PARP16: variants seen among roughly 807,000 people sequenced by gnomAD.
PARP16 encodes the protein protein mono-ADP-ribosyltransferase PARP16.
A neutral mutation model predicts 35.0 loss-of-function variants in PARP16; 31 were observed. That is an observed-to-expected ratio of 0.88 (90% CI 0.66 to 1.19). The LOEUF (loss-of-function observed/expected upper bound fraction) is 1.19. Ranked by LOEUF, PARP16 falls within the 50% of genes most tolerant of loss-of-function variation. The pLI, the probability that PARP16 is intolerant of heterozygous loss-of-function variation, is 0.00. For missense variants in PARP16, 424 were observed against 411.2 expected (o/e 1.03, Z -0.27); for synonymous variants, 162 against 169.5 (o/e 0.96, Z 0.34).
chr15:65,233,310 G>A (rs982887252), downstream of PARP16, among the ~76,000 whole-genome samples: 1 of 152,082 alleles, frequency 6.6e-6, no homozygotes, highest in Non-Finnish European at 1.5e-5. Context: ...GCTGAGGCAG[G>A]AGAATGGTGT....
intron 3 of PARP16, among the ~76,000 whole-genome samples, chr15:65,240,813 T>C (rs2089053661): frequency 6.6e-6 from 1 of 152,136 alleles, no homozygotes; most frequent in Non-Finnish European, 1.5e-5. Context: ...GTTTAACTTT[T>C]TGAGAAATTG....
intron 4 of PARP16, 96 bp downstream of exon 4, chr15:65,263,053 G>C: frequency 8.7e-7 from 1 of 1,148,754 alleles, no homozygotes; most frequent in Non-Finnish European, 1.3e-6. Flanking sequence ...CAACCCTTGG[G>C]CATGCAATGG....
At chr15:65,253,581 C>A (rs1031170447), downstream of PARP16, among the ~76,000 whole-genome samples, 1 of 152,082 alleles carries the variant, frequency 6.6e-6, no homozygotes, top group African/African-American at 2.4e-5. Context: ...CCGCCCGCCT[C>A]GGCCTCCCAA....
intron 4 of PARP16, among the ~76,000 whole-genome samples, chr15:65,262,334 G>A (rs569696386): frequency 6.6e-5 from 10 of 152,148 alleles, no homozygotes; most frequent in African/African-American, 2.4e-4. Flanking sequence ...GTTTCACCAC[G>A]TTGGCCAGGT....
chr15:65,235,478 A>G (rs1380810080), intron 3 of PARP16, among the ~76,000 whole-genome samples: 1 of 152,130 alleles, frequency 6.6e-6, no homozygotes, highest in Non-Finnish European at 1.5e-5. Flanking sequence ...AGGAAGGTCA[A>G]TTAGATTCTA....
chr15:65,277,054 C>A (rs1169359279), intron 1 of PARP16, among the ~76,000 whole-genome samples: 1 of 151,796 alleles, frequency 6.6e-6, no homozygotes, highest in Non-Finnish European at 1.5e-5. Flanking sequence ...TTTTTATTTG[C>A]TAAATCTAAT....
rs368263346 is a variant in PARP16, at chr15:65,273,212, A to G, written c.175-2140T>C. 4.8e-4 allele frequency among the ~76,000 whole-genome samples: 67 copies of G among 140,648 alleles called. No individual in the cohort carries two copies. In the East Asian group the frequency reaches 0.016, roughly 34 times the overall value. The allele number at this position is 140,648 out of a possible 152,430, so 92.3% of individuals were successfully genotyped here. ...AGAATCACTTGAACCCAGGAGGCGG[A>G]GGTTGCAGTGAGCCAAGATGGCGCC... On this transcript the variant is annotated intron_variant, in intron 1 of 5. Transcript: ENST00000649807.
chr15:65,232,181 T>C (rs1490075943), downstream of PARP16, among the ~76,000 whole-genome samples: 1 of 152,128 alleles, frequency 6.6e-6, no homozygotes, highest in African/African-American at 2.4e-5. Flanking sequence ...AATAGGGAAA[T>C]TAAGATAGGC....
intron 2 of PARP16, among the ~76,000 whole-genome samples, chr15:65,251,850 C>T (rs1875682827): frequency 6.6e-6 from 1 of 151,954 alleles, no homozygotes; most frequent in Non-Finnish European, 1.5e-5. Context: ...CTGCAAGCTC[C>T]ACCTCCCGGA....
At chr15:65,261,089 A>C (rs2089696759) in intron 4 of PARP16, 63 bp from the exon 5 acceptor site, 3 of 1,531,056 alleles carry the variant, frequency 2.0e-6, no homozygotes, top group African/African-American at 2.7e-5. Context: ...GCACATTATA[A>C]ATAGAAATAA....
intron 1 of PARP16, among the ~76,000 whole-genome samples, chr15:65,281,317 A>G (rs1363868698): frequency 6.6e-6 from 1 of 152,194 alleles, no homozygotes; most frequent in Non-Finnish European, 1.5e-5. Context: ...TATTCAGCAC[A>G]CGCACAATGT....
chr15:65,254,402 T>C (rs2089445623), downstream of PARP16, among the ~76,000 whole-genome samples: 1 of 152,120 alleles, frequency 6.6e-6, no homozygotes, highest in East Asian at 1.9e-4. Context: ...CAGATCAGGC[T>C]AGAGGCAGCC....
chr15:65,247,597 C>G (rs1259989871), intron 3 of PARP16, among the ~76,000 whole-genome samples: 1 of 152,120 alleles, frequency 6.6e-6, no homozygotes, highest in Non-Finnish European at 1.5e-5. Context: ...CTAAGCTGAG[C>G]ACAGGACTAG....
chr15:65,259,465 A>G lies in PARP16; in HGVS notation c.911T>C (p.Ile304Thr). The change falls in exon 6 of 6, where the codon ATA becomes ACA. Residue 304 changes from isoleucine to threonine, a missense_variant. Physicochemically the swap from Ile to Thr is moderately conservative, Grantham distance 89. Transcript: ENST00000649807. ...MISLYLLLLLIVSVINSSAFQ... is the reference protein window; with the variant it reads ...MISLYLLLLLTVSVINSSAFQ... The stretch of plus-strand genomic sequence containing the variant: ...AGCAGAGGAGTTGATGACACTCACT[A>G]TGAGCAGCAGCAGCAGATACAGGGA... 1 of 1,613,952 alleles carries G rather than the reference A, an allele frequency of 6.2e-7. No homozygotes were observed. Among genetic ancestry groups the G allele is most frequent in the Non-Finnish European group, 8.5e-7 (1 of 1,179,776 alleles).
downstream of PARP16, among the ~76,000 whole-genome samples, chr15:65,257,522 A>C (rs4635291): frequency 6.6e-6 from 1 of 150,724 alleles, no homozygotes; most frequent in African/African-American, 2.4e-5. Context: ...TCCCAGCTAC[A>C]GGGAGGCTAA....
chr15:65,263,371 T>C (rs1352413671), intron 3 of PARP16, 51 bp from the exon 4 acceptor site: 6 of 1,470,428 alleles, frequency 4.1e-6, no homozygotes, highest in South Asian at 1.3e-5. Flanking sequence ...GAATGTACAG[T>C]TGGCACGGCA....
At chr15:65,260,644 G>A (rs746970177) in intron 5 of PARP16, among the ~76,000 whole-genome samples, 47 of 152,192 alleles carry the variant, frequency 3.1e-4, no homozygotes, top group Non-Finnish European at 6.2e-4. Context: ...GACTCAGTCA[G>A]TCTCTCATGC....
At chr15:65,246,177 G>T (rs2089205084) in intron 3 of PARP16, among the ~76,000 whole-genome samples, 1 of 152,216 alleles carries the variant, frequency 6.6e-6, no homozygotes, top group South Asian at 2.1e-4. Context: ...AACCCTGGCT[G>T]CACCCTAAAC....
chr15:65,270,954 T>C lies in PARP16; in HGVS notation c.293A>G (p.His98Arg). 1 of 1,614,200 alleles carries C rather than the reference T, an allele frequency of 6.2e-7. No individual in the cohort carries two copies. Among genetic ancestry groups the C allele is most frequent in the African/African-American group, 1.3e-5 (1 of 75,054 alleles). Residue 98 changes from histidine (H) to arginine (R), a missense_variant, in exon 2 of 6, where the codon CAC becomes CGC. Coordinates refer to ENST00000649807, the MANE Select transcript of PARP16 (RefSeq NM_001316943.2). ...TCTCACCTCTGCCTTCCCTGCACTG[T>C]GGATTGTCAGGACCTTTGAGGATAA... The part of the protein sequence containing the change: ...WILSSKVLTI[H>R]SAGKAEFEKI...
Sources: gnomAD v4.1 joint callset for allele counts (sites outside exome capture counted in the v4.1 genomes callset) on GRCh38, gnomAD v4.1.1 for gene constraint, MANE v1.5 for transcripts, NCBI Gene and HGNC (gene_info 2026-07-23, HGNC 2026-07-21) for gene names.